Variants in ARID1B observed in about 807,000 individuals in gnomAD.
The protein encoded by ARID1B is AT-rich interaction domain 1B.
Under a neutral mutation model 212.3 loss-of-function variants are expected in ARID1B, and 30 were observed. The ratio of observed to expected loss-of-function variants is 0.14; its 90% CI spans 0.11 to 0.19. The LOEUF (loss-of-function observed/expected upper bound fraction) is 0.19, where lower values mean the gene tolerates loss of function less well. ARID1B is among the 10% of genes least tolerant of loss of function. The probability of loss-of-function intolerance (pLI) is 1.00; values close to 1 mark genes in which losing one functional copy is unlikely to be tolerated. For missense variants in ARID1B, 2,891 were observed against 3,204.0 expected (o/e 0.90, Z 2.36); for synonymous variants, 1,402 against 1,301.7 (o/e 1.08, Z -1.66).
At chr6:157,066,814 C>T (rs1175567906) in intron 4 of ARID1B, among the ~76,000 whole-genome samples, 2 of 151,976 alleles carry the variant, frequency 1.3e-5, no homozygotes, top group South Asian at 2.1e-4. Context: ...TCAGAAAAAC[C>T]GTGAACCTCC....
intron 2 of ARID1B, among the ~76,000 whole-genome samples, chr6:156,869,434 G>A (rs1425710678): frequency 5.3e-5 from 8 of 152,162 alleles, no homozygotes; most frequent in Admixed American, 5.2e-4. Flanking sequence ...TAATTTATAA[G>A]TAACCATTGG....
chr6:156,851,138 G>A (rs1454100809), intron 2 of ARID1B, among the ~76,000 whole-genome samples: 1 of 152,140 alleles, frequency 6.6e-6, no homozygotes, highest in Non-Finnish European at 1.5e-5. Context: ...TCCCCAAGGA[G>A]GAGACTTAAC....
Position 157,136,124 on chromosome 6 carries a change from G to A in ARID1B, c.2761+2917G>A, listed in dbSNP as rs184766503. Reference sequence around the variant, plus strand: ...TTTTTATATATTAACTCATTTAATCGTCACAGAAGTTGCTGTTATTACTCC... The same window carrying A: ...TTTTTATATATTAACTCATTTAATCATCACAGAAGTTGCTGTTATTACTCC... On this transcript the variant is annotated intron_variant, in intron 7 of 19. Coordinates refer to ENST00000636930, the MANE Select transcript of ARID1B (RefSeq NM_001374828.1). Among the ~76,000 whole-genome samples, 518 of 152,124 alleles carry A rather than the reference G, an allele frequency of 3.4e-3. 3 individuals carry two copies. Among genetic ancestry groups the A allele is most frequent in the Non-Finnish European group, 4.1e-3 (277 of 67,996 alleles).
intron 4 of ARID1B, among the ~76,000 whole-genome samples, chr6:156,998,622 G>A (rs895029105): frequency 2.0e-5 from 3 of 152,190 alleles, no homozygotes; most frequent in Non-Finnish European, 4.4e-5. Context: ...GCCGACAGCA[G>A]CCTCACACCA....
At chr6:156,894,373 G>C (rs913716587) in intron 2 of ARID1B, among the ~76,000 whole-genome samples, 14 of 151,798 alleles carry the variant, frequency 9.2e-5, no homozygotes, top group Non-Finnish European at 8.8e-5. Flanking sequence ...CATTTGGGAT[G>C]ATGAAATCCT....
intron 4 of ARID1B, among the ~76,000 whole-genome samples, chr6:157,040,743 C>A (rs1781833394): frequency 6.6e-6 from 1 of 152,182 alleles, no homozygotes; most frequent in African/African-American, 2.4e-5. Flanking sequence ...TTACTCTAGT[C>A]AAATGGCAAA....
intron 4 of ARID1B, among the ~76,000 whole-genome samples, chr6:157,031,152 CTTTG>C (rs922853465): frequency 1.7e-4 from 26 of 152,042 alleles, no homozygotes; most frequent in Admixed American, 1.6e-3. Flanking sequence ...GGAACAACTT[CTTTG>C]TTTGATAAAA....
intron 4 of ARID1B, among the ~76,000 whole-genome samples, chr6:157,083,181 C>T (rs2128458481): frequency 6.6e-6 from 1 of 152,282 alleles, no homozygotes; most frequent in Non-Finnish European, 1.5e-5. Context: ...GTCCCAGTTG[C>T]AAGCAGTGAG....
In ARID1B at chr6:157,210,216, T is replaced by C. The variant is rs1378386345; in HGVS notation, c.*2325T>C. 1 of 231,718 alleles carries C rather than the reference T, an allele frequency of 4.3e-6. No homozygotes were observed. The highest frequency in any genetic ancestry group is 1.8e-4 in the South Asian group (1 of 5,522). 14.4% of individuals were successfully genotyped at this position (231,718 alleles called of 1,614,324 possible). A position where few individuals can be genotyped will look rare whatever the true frequency, so the allele number is the denominator to read the frequency against. The stretch of plus-strand genomic sequence containing the variant: ...TGAATTAAAGACCCATTTATAATTC[T>C]GCTTTAAATACATCTGCTTGCTAAG... On this transcript the variant is annotated 3_prime_UTR_variant, in exon 20 of 20. Transcript: ENST00000636930.
chr6:157,006,307 C>A (rs1779248447), intron 4 of ARID1B, among the ~76,000 whole-genome samples: 1 of 152,134 alleles, frequency 6.6e-6, no homozygotes, highest in South Asian at 2.1e-4. Context: ...ATAAGAGTAA[C>A]CTGATGTGAC....
At chr6:156,839,539 C>T (rs1174853898) in intron 2 of ARID1B, among the ~76,000 whole-genome samples, 1 of 152,204 alleles carries the variant, frequency 6.6e-6, no homozygotes, top group Non-Finnish European at 1.5e-5. Context: ...GAATCCCCTT[C>T]AGCTGCCAGG....
intron 4 of ARID1B, among the ~76,000 whole-genome samples, chr6:157,004,954 C>A (rs1354244590): frequency 9.7e-6 from 1 of 103,270 alleles, no homozygotes. Context: ...GCTCTGTTGT[C>A]CAGGCTGGAG....
intron 4 of ARID1B, among the ~76,000 whole-genome samples, chr6:156,981,188 C>G (rs9384520): frequency 0.27 from 41,802 of 152,120 alleles, 6,965 homozygotes; most frequent in African/African-American, 0.46. Flanking sequence ...TAAGATTGCT[C>G]CAGGTCCACA....
chr6:157,021,661 A>T (rs1039667058), intron 4 of ARID1B, among the ~76,000 whole-genome samples: 1 of 151,904 alleles, frequency 6.6e-6, no homozygotes, highest in Non-Finnish European at 1.5e-5. Context: ...CCGCGGAAGG[A>T]GGCGCCGGCC....
At chr6:157,075,486 C>T (rs920849001) in intron 4 of ARID1B, among the ~76,000 whole-genome samples, 2 of 152,210 alleles carry the variant, frequency 1.3e-5, no homozygotes, top group Admixed American at 1.3e-4. Flanking sequence ...TTTTTACATA[C>T]ATCCACAAAA....
intron 7 of ARID1B, among the ~76,000 whole-genome samples, chr6:157,147,905 G>A (rs1225621771): frequency 9.8e-6 from 1 of 101,526 alleles, no homozygotes; most frequent in East Asian, 2.8e-4. Context: ...CTCCGCCTCC[G>A]ACCCTGCCCG....
At chr6:156,895,936 T>G (rs1788351921) in intron 2 of ARID1B, among the ~76,000 whole-genome samples, 1 of 152,246 alleles carries the variant, frequency 6.6e-6, no homozygotes, top group Non-Finnish European at 1.5e-5. Context: ...CACTAATATC[T>G]TACGTATTCA....
In ARID1B at chr6:156,778,283, GCAGCAGCAA is replaced by G. The variant is rs797045274; in HGVS notation, c.612_620del (p.Gln212_Gln214del). 1.0e-4 allele frequency: 154 copies of G among 1,540,886 alleles called. No homozygotes were observed. Among genetic ancestry groups the G allele is most frequent in the African/African-American group, 1.1e-4 (8 of 72,680 alleles). ...TAAACCAGTTCCAGCAGCAGCAGCA[GCAGCAGCAA>G]CAGCAGCAGCAGCAGCAGCAGCAAC... On this transcript the variant is annotated inframe_deletion, in exon 1 of 20. Coordinates refer to ENST00000636930, the MANE Select transcript of ARID1B (RefSeq NM_001374828.1).
chr6:157,045,103 G>C (rs956767790), intron 4 of ARID1B, among the ~76,000 whole-genome samples: 10 of 152,182 alleles, frequency 6.6e-5, no homozygotes, highest in African/African-American at 2.4e-4. Flanking sequence ...AAGCAGAGGG[G>C]ATGTTCTGCT....
Sources: allele counts gnomAD v4.1 joint callset (sites outside exome capture counted in the v4.1 genomes callset), GRCh38; gene constraint gnomAD v4.1.1; transcripts MANE v1.5; gene names NCBI Gene and HGNC (gene_info 2026-07-23, HGNC 2026-07-21).